Variants in ARHGEF18 observed in about 807,000 individuals in gnomAD.
ARHGEF18 encodes the protein Rho/Rac guanine nucleotide exchange factor 18.
Under a neutral mutation model 155.7 loss-of-function variants are expected in ARHGEF18, and 93 were observed. The ratio of observed to expected loss-of-function variants is 0.60; its 90% CI spans 0.50 to 0.71. The LOEUF (loss-of-function observed/expected upper bound fraction) is 0.71. Among genes scored for constraint, ARHGEF18 ranks in the 30% least tolerant of loss-of-function variants. The pLI is 0.00. For missense variants in ARHGEF18, 1,593 were observed against 1,816.1 expected, an observed-to-expected ratio of 0.88 and a Z score of 2.23; for synonymous variants, 742 against 753.1, an observed-to-expected ratio of 0.99 and a Z score of 0.24.
chr19:7,428,827 C>T (rs531540974), intron 10 of ARHGEF18, among the ~76,000 whole-genome samples: 186 of 152,330 alleles, frequency 1.2e-3, no homozygotes, highest in African/African-American at 4.3e-3. Context: ...CTGCATCCTT[C>T]GCCACAGGGC....
intron 10 of ARHGEF18, among the ~76,000 whole-genome samples, chr19:7,392,989 A>G (rs1304575490): frequency 6.8e-6 from 1 of 147,148 alleles, no homozygotes; most frequent in South Asian, 2.2e-4. Flanking sequence ...GGAAGCTGCA[A>G]TGAGCTATGA....
chr19:7,450,132 A>C (rs1975268402), intron 15 of ARHGEF18, among the ~76,000 whole-genome samples: 1 of 150,700 alleles, frequency 6.6e-6, no homozygotes, highest in African/African-American at 2.4e-5. Flanking sequence ...GCAGAAACCG[A>C]GATGTTAATG....
At chr19:7,388,718 T>C (rs1270852675) in intron 10 of ARHGEF18, among the ~76,000 whole-genome samples, 1 of 151,618 alleles carries the variant, frequency 6.6e-6, no homozygotes, top group Non-Finnish European at 1.5e-5. Flanking sequence ...GTAGCTGGGA[T>C]TGCAGGCATG....
rs767091404 is a variant in ARHGEF18, at chr19:7,467,194, C to A, written c.3010-20C>A. ...GGGCGCAGGTGCGGCTCTCACTCGC[C>A]TGGCCCTGGCCCTCCGCAGGCGGTA... On this transcript the variant is annotated intron_variant, in intron 25 of 28. Coordinates refer to ENST00000668164, the MANE Select transcript of ARHGEF18 (RefSeq NM_001367823.1). The A allele has an allele frequency of 6.3e-7, 1 of 1,579,600 alleles. No individual in the cohort carries two copies. The highest frequency in any genetic ancestry group is 1.1e-5 in the South Asian group (1 of 87,464).
intron 18 of ARHGEF18, among the ~76,000 whole-genome samples, chr19:7,458,166 A>C (rs770572677): frequency 6.6e-6 from 1 of 151,698 alleles, no homozygotes; most frequent in Non-Finnish European, 1.5e-5. Context: ...ACGTGCCTAT[A>C]ATCCCAGCTA....
chr19:7,385,813 G>A (rs1970981042), intron 10 of ARHGEF18, among the ~76,000 whole-genome samples: 2 of 139,000 alleles, frequency 1.4e-5, no homozygotes, highest in South Asian at 4.5e-4. Context: ...CTATTTTAGA[G>A]ATAGGATCTA....
chr19:7,467,169 G>A (rs755183235), intron 25 of ARHGEF18, 45 bp from the exon 26 acceptor site: 2 of 1,577,560 alleles, frequency 1.3e-6, no homozygotes, highest in African/African-American at 1.3e-5. Context: ...TGGTTGGCTG[G>A]GGCGCAGGTG....
intron 1 of ARHGEF18, among the ~76,000 whole-genome samples, chr19:7,357,471 G>A (rs1426750729): frequency 6.6e-6 from 1 of 152,168 alleles, no homozygotes; most frequent in African/African-American, 2.4e-5. Flanking sequence ...TGCTGTGGGG[G>A]CTGATAGTGG....
chr19:7,440,052 G>GGCGCAGCCCAGCCTGGCGCC lies in ARHGEF18; in HGVS notation c.968-287_968-268dup. Reference sequence around the variant, plus strand: ...AAGGATCCCACCGAGGCATAAAAACGGCGCAGCCCAGCCTGGCGCCGCGCC... The same window carrying GGCGCAGCCCAGCCTGGCGCC: ...AAGGATCCCACCGAGGCATAAAAACGGCGCAGCCCAGCCTGGCGCCGCGCAGCCCAGCCTGGCGCCGCGCC... On this transcript the variant is annotated intron_variant, in intron 10 of 28. Transcript: ENST00000668164. This position sits in a 1 kb window ranked among gnomAD's most constrained non-coding sequence, Gnocchi z 5.4. The GGCGCAGCCCAGCCTGGCGCC allele has an allele frequency of 6.4e-7, 1 of 1,550,650 alleles. No homozygotes were observed. Among genetic ancestry groups the GGCGCAGCCCAGCCTGGCGCC allele is most frequent in the East Asian group, 2.4e-5 (1 of 40,896 alleles).
chr19:7,475,313 G>A (rs1357165250), downstream of ARHGEF18, among the ~76,000 whole-genome samples: 2 of 152,108 alleles, frequency 1.3e-5, no homozygotes, highest in Non-Finnish European at 2.9e-5. Context: ...GGACCAGAAT[G>A]GGCAACCCAG....
chr19:7,459,934 C>T lies in ARHGEF18; in HGVS notation c.2392C>T (p.Leu798=). The T allele has an allele frequency of 6.3e-7, 1 of 1,588,442 alleles. No homozygotes were observed. The highest frequency in any genetic ancestry group is 8.6e-7 in the Non-Finnish European group (1 of 1,167,416). ...TGACGAGGAGGAGGGGCCCTTCAGCCTGCCCGAAGAGGAAAGGAAGGTGGT... is the reference window on the plus strand; with the variant it reads ...TGACGAGGAGGAGGGGCCCTTCAGCTTGCCCGAAGAGGAAAGGAAGGTGGT... ...CPDEEEGPFS[L]PEEERKVVEA... The change falls in exon 20 of 29, where the codon CTG becomes TTG. Residue 798 remains leucine (L), a synonymous_variant. Coordinates refer to ENST00000668164, the MANE Select transcript of ARHGEF18 (RefSeq NM_001367823.1).
At chr19:7,474,754 A>AGTGTGTGTGTGTGTGTGTGTGTGTGTGT (rs3219570), downstream of ARHGEF18, among the ~76,000 whole-genome samples, 825 of 141,992 alleles carry the variant, frequency 5.8e-3, 21 homozygotes, top group African/African-American at 0.02. Context: ...TGGGCATTGG[A>AGTGTGTGTGTGTGTGTGTGTGTGTGTGT]GTGTGTGTGT....
intron 10 of ARHGEF18, among the ~76,000 whole-genome samples, chr19:7,400,428 C>T (rs1184152455): frequency 6.6e-6 from 1 of 152,062 alleles, no homozygotes; most frequent in African/African-American, 2.4e-5. Flanking sequence ...GCTGGGACTA[C>T]AAGCATCAGC....
chr19:7,460,181 A>G (rs1976123695), intron 20 of ARHGEF18, among the ~76,000 whole-genome samples, 187 bp downstream of exon 20: 1 of 152,104 alleles, frequency 6.6e-6, no homozygotes, highest in Non-Finnish European at 1.5e-5. Flanking sequence ...TCCAGAGGTC[A>G]CTTAGCCCTT....
intron 3 of ARHGEF18, 131 bp downstream of exon 3, chr19:7,373,202 A>AGG: frequency 2.6e-6 from 3 of 1,132,368 alleles, no homozygotes; most frequent in Non-Finnish European, 3.3e-6. Flanking sequence ...TTTTGGTACC[A>AGG]GGGACCAGTT....
chr19:7,387,014 G>A (rs1052521852), intron 10 of ARHGEF18, among the ~76,000 whole-genome samples: 9 of 152,190 alleles, frequency 5.9e-5, no homozygotes, highest in East Asian at 1.9e-4. Flanking sequence ...GTGTCCCTGC[G>A]TTTTTCTGGA....
intron 2 of ARHGEF18, among the ~76,000 whole-genome samples, chr19:7,368,733 C>T (rs914012873): frequency 1.3e-5 from 2 of 152,010 alleles, no homozygotes; most frequent in African/African-American, 4.8e-5. Flanking sequence ...TCGGGGGCTG[C>T]GACAGAAAAG....
At chr19:7,360,557 AT>A (rs1228629284) in intron 1 of ARHGEF18, among the ~76,000 whole-genome samples, 1 of 152,012 alleles carries the variant, frequency 6.6e-6, no homozygotes, top group Non-Finnish European at 1.5e-5. Context: ...TTCACCTTTG[AT>A]CTTTGGATCC....
intron 17 of ARHGEF18, 94 bp downstream of exon 17, chr19:7,453,809 C>A: frequency 1.4e-6 from 2 of 1,423,206 alleles, no homozygotes; most frequent in Non-Finnish European, 1.8e-6. Flanking sequence ...ATTAGTGGCA[C>A]CATCTTGTAT....
Sources: allele counts gnomAD v4.1 joint callset (sites outside exome capture counted in the v4.1 genomes callset), GRCh38; gene constraint gnomAD v4.1.1; non-coding constraint Gnocchi (gnomAD v3.1); transcripts MANE v1.5; gene names NCBI Gene and HGNC (gene_info 2026-07-23, HGNC 2026-07-21).